Variants in FAM20C observed in about 807,000 individuals in gnomAD.
FAM20C encodes the protein extracellular serine/threonine protein kinase FAM20C.
A neutral mutation model predicts 51.5 loss-of-function variants in FAM20C; 40 were observed. The ratio of observed to expected loss-of-function variants is 0.78; its 90% CI spans 0.60 to 1.01. The LOEUF is 1.01. Among genes scored for constraint, FAM20C ranks in the 50% least tolerant of loss-of-function variants. The pLI is 0.00. For missense variants in FAM20C, 861 were observed against 844.7 expected, an observed-to-expected ratio of 1.02 and a Z score of -0.24; for synonymous variants, 406 against 380.6, an observed-to-expected ratio of 1.07 and a Z score of -0.78.
intron 2 of FAM20C, among the ~76,000 whole-genome samples, chr7:200,435 G>A (rs1354836812): frequency 6.6e-6 from 1 of 152,196 alleles, no homozygotes. Context: ...AGCTCAGTCC[G>A]CACTCAACTC....
chr7:248,935 A>C (rs896838408), intron 5 of FAM20C, among the ~76,000 whole-genome samples: 15 of 151,766 alleles, frequency 9.9e-5, no homozygotes, highest in African/African-American at 3.4e-4. Context: ...TTCCCAACCC[A>C]CCTCCCACGC....
At chr7:212,739 C>T (rs1474632982) in intron 3 of FAM20C, among the ~76,000 whole-genome samples, 2 of 152,290 alleles carry the variant, frequency 1.3e-5, no homozygotes, top group African/African-American at 2.4e-5. Flanking sequence ...AACCCAAGCG[C>T]TCCTGGGTGC....
intron 3 of FAM20C, chr7:229,248 T>G (rs62430332): frequency 0.17 from 39,626 of 233,680 alleles, 4,494 homozygotes; most frequent in African/African-American, 0.36. Flanking sequence ...AGCCCCCTTT[T>G]CTGTGAGGAA....
At chr7:258,895 C>T (rs539162370) in intron 9 of FAM20C, among the ~76,000 whole-genome samples, 190 bp downstream of exon 9, 37 of 152,304 alleles carry the variant, frequency 2.4e-4, no homozygotes, top group Middle Eastern at 3.4e-3. Context: ...CTCACCCGCC[C>T]ACCACCCCAG....
At chr7:223,105 G>A (rs1238690910) in intron 3 of FAM20C, among the ~76,000 whole-genome samples, 4 of 152,030 alleles carry the variant, frequency 2.6e-5, no homozygotes, top group South Asian at 2.1e-4. Context: ...GAGTGTGCAC[G>A]TGTGTATGAA....
intron 5 of FAM20C, among the ~76,000 whole-genome samples, chr7:254,957 G>A (rs1788534925): frequency 6.6e-6 from 1 of 152,228 alleles, no homozygotes; most frequent in East Asian, 1.9e-4. Flanking sequence ...TCATCGCACG[G>A]ATGGACCATG....
At position 256,001 on chromosome 7, in the gene FAM20C, C is replaced by G; in HGVS notation, c.1225C>G (p.Arg409Gly). ...KRKTWRNPWR[R>G]SYHKRKKAEW... ...GAAGACCTGGCGGAACCCTTGGCGG[C>G]GTTCCTACCACAAGCGCAAGAAGGC... Residue 409 changes from arginine (R) to glycine (G), a missense_variant, in exon 6 of 10, where the codon CGT (arginine) becomes GGT (glycine). Coordinates refer to ENST00000313766, the MANE Select transcript of FAM20C (RefSeq NM_020223.4). 6.5e-7 allele frequency: 1 copy of G among 1,535,970 alleles called. No homozygotes were observed.
intron 8 of FAM20C, among the ~76,000 whole-genome samples, 196 bp from the exon 9 acceptor site, chr7:258,450 G>GGGGT (rs1562402110): frequency 4.4e-5 from 2 of 45,172 alleles, no homozygotes; most frequent in African/African-American, 1.6e-4. Context: ...GGAGATGGGT[G>GGGGT]GGATGGACCC....
chr7:196,744 T>C (rs562126099), intron 2 of FAM20C, among the ~76,000 whole-genome samples: 1 of 152,346 alleles, frequency 6.6e-6, no homozygotes, highest in African/African-American at 2.4e-5. Flanking sequence ...AGGTAGGTTC[T>C]CCTGAGCTCT....
intron 3 of FAM20C, among the ~76,000 whole-genome samples, chr7:240,618 C>T (rs2115132777): frequency 6.6e-6 from 1 of 152,256 alleles, no homozygotes; most frequent in African/African-American, 2.4e-5. Flanking sequence ...ATCTAGACTT[C>T]TCTGGACAAT....
intron 3 of FAM20C, among the ~76,000 whole-genome samples, chr7:244,796 C>T (rs189298340): frequency 2.6e-5 from 4 of 152,312 alleles, no homozygotes; most frequent in Admixed American, 2.0e-4. Flanking sequence ...CCTGTCAAGG[C>T]GAATATTATG....
In FAM20C at chr7:248,071, G is replaced by T. The variant is rs188572958; in HGVS notation, c.957-244G>T. On this transcript the variant is annotated intron_variant, in intron 4 of 9. Coordinates refer to ENST00000313766, the MANE Select transcript of FAM20C (RefSeq NM_020223.4). ...TTTAGCTATGCAGGCAGTTGGTGCT[G>T]TGTGCCCATCAGTGAGGCATCGCCA... 6.5e-3 allele frequency among the ~76,000 whole-genome samples: 991 copies of T among 152,326 alleles called. 4 individuals are homozygous for T. Among genetic ancestry groups the T allele is most frequent in the Middle Eastern group, 0.014 (4 of 294 alleles).
intron 3 of FAM20C, chr7:228,486 C>T (rs1349357478): frequency 2.2e-6 from 1 of 456,144 alleles, no homozygotes; most frequent in South Asian, 1.5e-5. Flanking sequence ...CAAGCCAGGT[C>T]CGTGTCCCTG....
intron 3 of FAM20C, among the ~76,000 whole-genome samples, chr7:209,766 A>T (rs896615905): frequency 2.2e-4 from 33 of 151,996 alleles, no homozygotes; most frequent in African/African-American, 7.7e-4. Context: ...AGAAATATGG[A>T]TTTTTTTTTC....
At position 242,771 on chromosome 7, in the gene FAM20C, C is replaced by T. The variant is rs551023533; in HGVS notation, c.864-3644C>T. On this transcript the variant is annotated intron_variant, in intron 3 of 9. Coordinates refer to ENST00000313766, the MANE Select transcript of FAM20C (RefSeq NM_020223.4). ...GGCCACTGGCTGCCGAGTTGGACAG[C>T]GCAGAAGGTCACGTCCATCACAGAG... 1.5e-3 allele frequency among the ~76,000 whole-genome samples: 236 copies of T among 152,280 alleles called. 1 individual carries two copies. Among genetic ancestry groups the T allele is most frequent in the Admixed American group, 3.9e-3 (59 of 15,306 alleles).
chr7:216,803 G>A (rs1459570585), intron 3 of FAM20C, among the ~76,000 whole-genome samples: 1 of 152,004 alleles, frequency 6.6e-6, no homozygotes, highest in African/African-American at 2.4e-5. Flanking sequence ...CAAGACACAT[G>A]AACAGAGGCA....
chr7:258,956 A>C (rs2115180883), intron 9 of FAM20C, among the ~76,000 whole-genome samples: 1 of 152,194 alleles, frequency 6.6e-6, no homozygotes, highest in East Asian at 1.9e-4. Context: ...CCGTCCTGCC[A>C]CCCCAGTTAC....
At position 257,021 on chromosome 7, in the gene FAM20C, C is replaced by T; in HGVS notation, c.1380C>T (p.His460=). ...FDFLMGNMDR[H]HYETFEKFGN... is the part of the protein sequence containing the mutation. ...TCTCCGCAGGAAACATGGACCGTCA[C>T]CACTACGAGACTTTTGAGAAGTTTG... The change falls in exon 8 of 10, where the codon CAC becomes CAT. Residue 460 remains histidine (H), a synonymous_variant. Coordinates refer to ENST00000313766, the MANE Select transcript of FAM20C (RefSeq NM_020223.4). 1 of 1,537,162 alleles carries T rather than the reference C, an allele frequency of 6.5e-7. No individual in the cohort carries two copies. The highest frequency in any genetic ancestry group is 8.7e-7 in the Non-Finnish European group (1 of 1,146,898).
chr7:219,990 C>T (rs1787179649), intron 3 of FAM20C, among the ~76,000 whole-genome samples: 1 of 152,122 alleles, frequency 6.6e-6, no homozygotes, highest in African/African-American at 2.4e-5. Context: ...CCCTTTGTGT[C>T]CACACTGGGT....
Sources: allele counts gnomAD v4.1 joint callset (sites outside exome capture counted in the v4.1 genomes callset), GRCh38; gene constraint gnomAD v4.1.1; transcripts MANE v1.5; gene names NCBI Gene and HGNC (gene_info 2026-07-23, HGNC 2026-07-21).